ABCC12: variants seen among roughly 807,000 people sequenced by gnomAD.
ABCC12 encodes ATP binding cassette subfamily C member 12.
In ABCC12, 142 loss-of-function variants were observed where a neutral mutation model predicts 151.1. The observed-to-expected ratio is 0.94, with a 90% CI of 0.82 to 1.08. The LOEUF is 1.08. ABCC12 is among the 50% of genes least tolerant of loss of function. ABCC12 has a pLI of 0.00. For synonymous variants in ABCC12, 645 were observed against 646.4 expected, an observed-to-expected ratio of 1.00 and a Z score of 0.03; for missense variants, 1,638 against 1,691.1, an observed-to-expected ratio of 0.97 and a Z score of 0.55.
At chr16:48,084,223 T>C in intron 29 of ABCC12, 150 bp from the exon 30 acceptor site, 1 of 818,316 alleles carries the variant, frequency 1.2e-6, no homozygotes, top group Non-Finnish European at 1.8e-6. Context: ...AAAAAGAAAA[T>C]GAGAAGAACA....
chr16:48,154,769 C>G (rs1053370065), intron 1 of ABCC12, among the ~76,000 whole-genome samples: 1 of 152,258 alleles, frequency 6.6e-6, no homozygotes, highest in African/African-American at 2.4e-5. Context: ...GAGAACTGGA[C>G]TCTGGGTCTT....
chr16:48,096,513 G>A (rs745544645), intron 24 of ABCC12, among the ~76,000 whole-genome samples: 1 of 152,162 alleles, frequency 6.6e-6, no homozygotes. Flanking sequence ...GAGGCTGCTG[G>A]TCACCTATGA....
intron 3 of ABCC12, among the ~76,000 whole-genome samples, chr16:48,144,582 C>A (rs1314951821): frequency 6.6e-6 from 1 of 152,172 alleles, no homozygotes; most frequent in African/African-American, 2.4e-5. Flanking sequence ...AAACTGGACA[C>A]TTTCTAGAAG....
intron 18 of ABCC12, among the ~76,000 whole-genome samples, chr16:48,110,850 C>T (rs376509440): frequency 2.0e-4 from 31 of 152,338 alleles, no homozygotes; most frequent in African/African-American, 7.2e-4. Flanking sequence ...CCCCTCCAGA[C>T]CACAAGATCC....
chr16:48,142,038 C>A (rs538000429), intron 4 of ABCC12, among the ~76,000 whole-genome samples: 3 of 152,024 alleles, frequency 2.0e-5, no homozygotes, highest in African/African-American at 7.2e-5. Flanking sequence ...GGACAGAGAG[C>A]GACAACAGGG....
intron 13 of ABCC12, among the ~76,000 whole-genome samples, chr16:48,120,531 G>A (rs971527884): frequency 2.6e-5 from 4 of 151,750 alleles, no homozygotes; most frequent in Non-Finnish European, 4.4e-5. Context: ...AAATGTCCAC[G>A]GTGATCACGG....
chr16:48,084,005 G>T lies in ABCC12; in HGVS notation c.3897C>A (p.Ile1299=), dbSNP rs1336694136. 6.2e-7 allele frequency: 1 copy of T among 1,612,916 alleles called. No individual in the cohort carries two copies. The highest frequency in any genetic ancestry group is 1.3e-5 in the African/African-American group (1 of 74,918). Residue 1299 remains isoleucine (I), a synonymous_variant, in exon 30 of 31, where the codon ATC becomes ATA. Transcript: ENST00000311303. ...CAGTGCAGCCCTTGAAGGCATCTTT[G>T]ATGGTGTTCTGAACCAGGGTGTCAG... ...SKTDTLVQNT[I]KDAFKGCTVL...
At chr16:48,126,194 G>A (rs1389546254) in intron 11 of ABCC12, among the ~76,000 whole-genome samples, 1 of 152,164 alleles carries the variant, frequency 6.6e-6, no homozygotes, top group African/African-American at 2.4e-5. Flanking sequence ...TCAATGAACC[G>A]GGGCATTAAA....
rs377105344 is a variant in ABCC12 at position 48,137,083 on chromosome 16, A to G, written c.979+1145T>C. ...GGTCACTTTGACTGCTGAGTGCACAATGGATTGCAGGAGGGAGGGGGAAGG... is the reference window on the plus strand; with the variant it reads ...GGTCACTTTGACTGCTGAGTGCACAGTGGATTGCAGGAGGGAGGGGGAAGG... On this transcript the variant is annotated intron_variant, in intron 8 of 30. Coordinates refer to ENST00000311303, the MANE Select transcript of ABCC12 (RefSeq NM_001393797.1). 1.5e-4 allele frequency among the ~76,000 whole-genome samples: 23 copies of G among 152,300 alleles called. No individual in the cohort carries two copies. The South Asian group carries it at 3.5e-3, about 23-fold the overall frequency.
Position 48,081,052 on chromosome 16 carries a change from T to C in ABCC12, c.*2663A>G, listed in dbSNP as rs1381845669. On this transcript the variant is annotated 3_prime_UTR_variant, in exon 31 of 31. Coordinates refer to ENST00000311303, the MANE Select transcript of ABCC12 (RefSeq NM_001393797.1). ...AACAAGCTTCCCCAAGTCTCTTTTA[T>C]AAGAGAGCCAATCCTATTCATGAGG... 6.6e-6 allele frequency among the ~76,000 whole-genome samples: 1 copy of C among 152,094 alleles called. No homozygotes were observed. The highest frequency in any genetic ancestry group is 2.4e-5 in the African/African-American group (1 of 41,414).
At chr16:48,134,791 G>A (rs1038312741) in intron 8 of ABCC12, among the ~76,000 whole-genome samples, 2 of 152,122 alleles carry the variant, frequency 1.3e-5, no homozygotes, top group African/African-American at 4.8e-5. Context: ...GGTGGCTCAC[G>A]CCTGTAATCC....
chr16:48,091,293 T>G, intron 24 of ABCC12, 84 bp from the exon 25 acceptor site: 1 of 1,209,084 alleles, frequency 8.3e-7, no homozygotes, highest in Non-Finnish European at 1.2e-6. Context: ...GCAGTCCTAG[T>G]GAATGATCCC....
chr16:48,104,313 T>C lies in ABCC12; in HGVS notation c.2729A>G (p.Asn910Ser). Reference sequence around the variant, plus strand: ...CTCGTCCATATCCTTGGAAAAACGGTTCATTAGCCTGCCAGTGGGAGTCGT... The same window carrying C: ...CTCGTCCATATCCTTGGAAAAACGGCTCATTAGCCTGCCAGTGGGAGTCGT... The part of the protein sequence containing the change: ...FDTTPTGRLM[N>S]RFSKDMDELD... Residue 910 changes from asparagine (N) to serine (S), a missense_variant, in exon 22 of 31, where the codon AAC becomes AGC. Coordinates refer to ENST00000311303, the MANE Select transcript of ABCC12 (RefSeq NM_001393797.1). 6.2e-7 allele frequency: 1 copy of C among 1,614,168 alleles called. No individual in the cohort carries two copies. The highest frequency in any genetic ancestry group is 8.5e-7 in the Non-Finnish European group (1 of 1,180,018).
intron 8 of ABCC12, among the ~76,000 whole-genome samples, chr16:48,136,706 C>T (rs942878997): frequency 6.6e-6 from 1 of 152,168 alleles, no homozygotes; most frequent in African/African-American, 2.4e-5. Context: ...CCTCTCTGGA[C>T]ATTGAGAAGA....
Position 48,083,546 on chromosome 16 carries a change from G to A in ABCC12, c.*169C>T. ...CAACCCCAAGCCCACCAAGTGGGGT[G>A]ACATGGACTGAGTATGGCAGTGGGG... On this transcript the variant is annotated 3_prime_UTR_variant, in exon 31 of 31. Transcript: ENST00000311303. 1 of 724,052 alleles carries A rather than the reference G, an allele frequency of 1.4e-6. No individual in the cohort carries two copies. Among genetic ancestry groups the A allele is most frequent in the Non-Finnish European group, 2.3e-6 (1 of 433,232 alleles). The allele number at this position is 724,052 out of a possible 1,614,324, so 44.9% of individuals were successfully genotyped here.
At chr16:48,101,183 T>C (rs1270918771) in intron 22 of ABCC12, among the ~76,000 whole-genome samples, 174 bp from the exon 23 acceptor site, 1 of 152,062 alleles carries the variant, frequency 6.6e-6, no homozygotes, top group Non-Finnish European at 1.5e-5. Flanking sequence ...GCCCCAGGTG[T>C]GGGAATGGCG....
Position 48,136,569 on chromosome 16 carries a change from T to C in ABCC12, c.979+1659A>G, listed in dbSNP as rs533643616. Among the ~76,000 whole-genome samples, 186 of 152,328 alleles carry C rather than the reference T, an allele frequency of 1.2e-3. 1 individual carries two copies. The highest frequency in any genetic ancestry group is 4.3e-3 in the African/African-American group (178 of 41,584). The stretch of plus-strand genomic sequence containing the variant: ...GGGTCTCGGCCCTCTTCCAGTGGGA[T>C]AGATAGACAAGAAAGAAATAAACAA... On this transcript the variant is annotated intron_variant, in intron 8 of 30. Transcript: ENST00000311303.
At position 48,141,459 on chromosome 16, in the gene ABCC12, C is replaced by A. The variant is rs1017458288; in HGVS notation, c.276-106G>T. 5 of 1,431,544 alleles carry A rather than the reference C, an allele frequency of 3.5e-6. No homozygotes were observed. The East Asian group carries it at 9.3e-5, about 27-fold the overall frequency. The allele number at this position is 1,431,544 out of a possible 1,614,324, so 88.7% of individuals were successfully genotyped here. A position where few individuals can be genotyped will look rare whatever the true frequency, so the allele number is the denominator to read the frequency against. ...CAAGGGTGCTCGGCAGAGCCCCCCT[C>A]CCTGGCAGTGGTGCCTTCCAGCACT... On this transcript the variant is annotated intron_variant, in intron 4 of 30. Transcript: ENST00000311303.
chr16:48,107,845 T>C (rs888692461), intron 19 of ABCC12, among the ~76,000 whole-genome samples: 3 of 151,802 alleles, frequency 2.0e-5, no homozygotes, highest in African/African-American at 7.3e-5. Flanking sequence ...CTACTAAAAA[T>C]AGGAAAATTA....
Sources: allele counts gnomAD v4.1 joint callset (sites outside exome capture counted in the v4.1 genomes callset), GRCh38; gene constraint gnomAD v4.1.1; transcripts MANE v1.5; gene names NCBI Gene and HGNC (gene_info 2026-07-23, HGNC 2026-07-21).